The following DESI2 variants were observed in gnomAD, a reference collection of about 807,000 sequenced individuals.
DESI2 encodes the protein deubiquitinase DESI2.
A neutral mutation model predicts 24.1 loss-of-function variants in DESI2; 10 were observed. The observed-to-expected ratio is 0.41, with a 90% CI of 0.26 to 0.70. DESI2 has a LOEUF of 0.70. DESI2 is among the 30% of genes least tolerant of loss of function. DESI2 has a pLI of 0.29. For synonymous variants in DESI2, 71 were observed against 87.7 expected, an observed-to-expected ratio of 0.81 and a Z score of 1.06; for missense variants, 122 against 234.9, an observed-to-expected ratio of 0.52 and a Z score of 3.14.
intron 1 of DESI2, among the ~76,000 whole-genome samples, chr1:244,659,011 T>C (rs1573175514): frequency 1.3e-5 from 2 of 148,614 alleles, no homozygotes; most frequent in South Asian, 4.3e-4. Flanking sequence ...TTAATAGGAA[T>C]AATAGGAGCT....
chr1:244,679,238 C>G (rs1043012953), intron 1 of DESI2, among the ~76,000 whole-genome samples: 2 of 152,030 alleles, frequency 1.3e-5, no homozygotes, highest in Non-Finnish European at 2.9e-5. Flanking sequence ...AATGGGGTTT[C>G]ACCATGTTGC....
intron 1 of DESI2, among the ~76,000 whole-genome samples, chr1:244,680,332 A>G (rs1444853649): frequency 6.6e-6 from 1 of 152,066 alleles, no homozygotes; most frequent in Non-Finnish European, 1.5e-5. Context: ...CCAGCTACTC[A>G]GGAAACTGAG....
In DESI2 at chr1:244,683,583, T is replaced by G. The variant is rs377666487; in HGVS notation, c.43-3014T>G. On this transcript the variant is annotated intron_variant, in intron 1 of 4. Coordinates refer to ENST00000302550, the MANE Select transcript of DESI2 (RefSeq NM_016076.5). ...ACCTCAGCCTCCCAAAGTGCTGGGATTACAGGCGTGAGCCACCGCGCCCAG... is the reference window on the plus strand; with the variant it reads ...ACCTCAGCCTCCCAAAGTGCTGGGAGTACAGGCGTGAGCCACCGCGCCCAG... 5.3e-5 allele frequency among the ~76,000 whole-genome samples: 8 copies of G among 152,220 alleles called. No individual in the cohort carries two copies. The East Asian group carries it at 1.4e-3, about 26-fold the overall frequency.
intron 1 of DESI2, among the ~76,000 whole-genome samples, chr1:244,679,521 A>C (rs1676528455): frequency 6.6e-6 from 1 of 152,226 alleles, no homozygotes. Flanking sequence ...TCACATAGAA[A>C]GTAAGTCACA....
chr1:244,682,375 C>T (rs1410193377), intron 1 of DESI2, among the ~76,000 whole-genome samples: 1 of 152,176 alleles, frequency 6.6e-6, no homozygotes, highest in Non-Finnish European at 1.5e-5. Flanking sequence ...CCCCACCTGA[C>T]CCAGGAAGTC....
At chr1:244,670,105 T>G (rs954473383) in intron 1 of DESI2, among the ~76,000 whole-genome samples, 1 of 152,112 alleles carries the variant, frequency 6.6e-6, no homozygotes, top group Non-Finnish European at 1.5e-5. Flanking sequence ...TACAGGCACA[T>G]GCCACCACAC....
chr1:244,699,578 C>CAAAAAAAAAAAAAAAAAAAAAAAAA (rs559295405), intron 4 of DESI2, among the ~76,000 whole-genome samples: 2 of 66,222 alleles, frequency 3.0e-5, no homozygotes, highest in African/African-American at 1.0e-4. Context: ...GAGACTGTCT[C>CAAAAAAAAAAAAAAAAAAAAAAAAA]AAAAAAAAAA....
intron 1 of DESI2, among the ~76,000 whole-genome samples, chr1:244,677,874 C>T (rs1196837719): frequency 2.0e-5 from 3 of 152,116 alleles, no homozygotes; most frequent in Non-Finnish European, 4.4e-5. Context: ...GAGCTATGAT[C>T]GTACCACTGC....
intron 1 of DESI2, among the ~76,000 whole-genome samples, chr1:244,659,175 CTCTTT>C (rs1675750868): frequency 7.6e-6 from 1 of 132,116 alleles, no homozygotes; most frequent in South Asian, 2.4e-4. Flanking sequence ...TGGCATTGTC[CTCTTT>C]TCTTTTTTAG....
chr1:244,704,835 TTTTTGGTAGAGACAGGG>T (rs1284886435), intron 4 of DESI2, among the ~76,000 whole-genome samples: 1 of 152,166 alleles, frequency 6.6e-6, no homozygotes, highest in Admixed American at 6.5e-5. Flanking sequence ...ATTTTTTGTA[TTTTTGGTAGAGACAGGG>T]TTTCACCATA....
intron 1 of DESI2, among the ~76,000 whole-genome samples, chr1:244,656,072 C>A (rs1444643280): frequency 6.6e-6 from 1 of 152,134 alleles, no homozygotes; most frequent in East Asian, 1.9e-4. Context: ...TTCCTTTTAT[C>A]TTTGGTAATT....
chr1:244,668,982 A>C (rs1676144099), intron 1 of DESI2, among the ~76,000 whole-genome samples: 2 of 152,050 alleles, frequency 1.3e-5, no homozygotes, highest in Non-Finnish European at 2.9e-5. Flanking sequence ...ATACTTTAGA[A>C]TGCTTCTTAA....
At chr1:244,682,737 A>G (rs1188428535) in intron 1 of DESI2, among the ~76,000 whole-genome samples, 3 of 152,174 alleles carry the variant, frequency 2.0e-5, no homozygotes, top group Non-Finnish European at 2.9e-5. Flanking sequence ...CTGTGTTCCA[A>G]TAAAACGTTA....
intron 2 of DESI2, among the ~76,000 whole-genome samples, chr1:244,687,690 T>C (rs1676870677): frequency 6.6e-6 from 1 of 152,220 alleles, no homozygotes; most frequent in Admixed American, 6.5e-5. Context: ...GCTATAAAAA[T>C]CTGCCATTTA....
intron 1 of DESI2, among the ~76,000 whole-genome samples, chr1:244,667,577 A>C (rs1573187921): frequency 6.6e-6 from 1 of 152,224 alleles, no homozygotes. Context: ...CACACAGCTA[A>C]AAAGGGGGTA....
intron 1 of DESI2, among the ~76,000 whole-genome samples, chr1:244,672,652 G>C (rs573948517): frequency 6.6e-6 from 1 of 152,248 alleles, no homozygotes; most frequent in South Asian, 2.1e-4. Flanking sequence ...GCCAAGGCGG[G>C]CGGATCACGA....
intron 1 of DESI2, among the ~76,000 whole-genome samples, chr1:244,675,947 CAAT>C: frequency 6.6e-6 from 1 of 152,082 alleles, no homozygotes; most frequent in Admixed American, 6.5e-5. Flanking sequence ...TTTTTTTCAA[CAAT>C]GTTTTGTAGT....
intron 1 of DESI2, among the ~76,000 whole-genome samples, chr1:244,658,830 G>A (rs796415458): frequency 6.6e-6 from 1 of 152,090 alleles, no homozygotes; most frequent in South Asian, 2.1e-4. Context: ...ATAGGAATGG[G>A]ACAGAAAAAA....
In DESI2 at chr1:244,706,026, ATTTC is replaced by A. The variant is rs1007687861; in HGVS notation, c.*240_*243del. On this transcript the variant is annotated 3_prime_UTR_variant, in exon 5 of 5. Coordinates refer to ENST00000302550, the MANE Select transcript of DESI2 (RefSeq NM_016076.5). The stretch of plus-strand genomic sequence containing the variant: ...TTTATCCACTCGTAAATCTGGATTT[ATTTC>A]TTCTGTTTTATACAAGCTCTGTTAA... The A allele has an allele frequency of 4.0e-6, 2 of 506,202 alleles. No homozygotes were observed. The highest frequency in any genetic ancestry group is 3.5e-5 in the East Asian group (1 of 28,400). 31.4% of individuals were successfully genotyped at this position (506,202 alleles called of 1,614,324 possible). A position where few individuals can be genotyped will look rare whatever the true frequency, so the allele number is the denominator to read the frequency against.
Sources: gnomAD v4.1 joint callset for allele counts (sites outside exome capture counted in the v4.1 genomes callset) on GRCh38, gnomAD v4.1.1 for gene constraint, MANE v1.5 for transcripts, NCBI Gene and HGNC (gene_info 2026-07-23, HGNC 2026-07-21) for gene names.